The following NAV2 variants were observed in gnomAD, a reference collection of about 807,000 sequenced individuals.
NAV2 encodes the protein neuron navigator 2, also known as helicase, APC down-regulated 1.
In NAV2, 54 loss-of-function variants were observed where a neutral mutation model predicts 223.2. The observed-to-expected ratio is 0.24, with a 90% CI of 0.19 to 0.30. NAV2 has a LOEUF of 0.30. Ranked by LOEUF, NAV2 falls within the 10% of genes least tolerant of loss-of-function variation. NAV2 has a pLI of 1.00. For synonymous variants in NAV2, 1,279 were observed against 1,239.3 expected (o/e 1.03, Z -0.67); for missense variants, 2,806 against 3,147.5 (o/e 0.89, Z 2.60).
intron 1 of NAV2, among the ~76,000 whole-genome samples, chr11:19,533,820 C>T (rs2044103374): frequency 7.1e-6 from 1 of 140,186 alleles, no homozygotes; most frequent in Admixed American, 6.7e-5. Context: ...CATTCTCCTG[C>T]CTCAGCCTCC....
chr11:19,901,003 T>G (rs981778871), intron 6 of NAV2, among the ~76,000 whole-genome samples: 1 of 152,204 alleles, frequency 6.6e-6, no homozygotes, highest in Non-Finnish European at 1.5e-5. Context: ...TGTGAAGCAT[T>G]CTTTCTCATT....
intron 24 of NAV2, among the ~76,000 whole-genome samples, chr11:20,078,854 G>A (rs1224543480): frequency 6.6e-6 from 1 of 152,196 alleles, no homozygotes; most frequent in East Asian, 1.9e-4. Flanking sequence ...AATATTAACA[G>A]TAATAGTAAT....
At chr11:19,643,411 G>T (rs1173038569) in intron 1 of NAV2, among the ~76,000 whole-genome samples, 1 of 148,922 alleles carries the variant, frequency 6.7e-6, no homozygotes, top group South Asian at 2.1e-4. Context: ...GAGAACATGC[G>T]GTGTTTGGTT....
intron 5 of NAV2, among the ~76,000 whole-genome samples, chr11:19,888,140 A>C (rs1278649993): frequency 6.6e-6 from 1 of 152,080 alleles, no homozygotes; most frequent in East Asian, 1.9e-4. Context: ...CCTTAAGCTT[A>C]ATATTTTAAA....
intron 12 of NAV2, among the ~76,000 whole-genome samples, chr11:20,043,218 C>A (rs547153499): frequency 2.6e-5 from 4 of 152,036 alleles, no homozygotes; most frequent in Non-Finnish European, 5.9e-5. Context: ...GATCTCTCTG[C>A]GGTGCAGTGA....
chr11:19,930,990 G>A (rs1393385039), intron 6 of NAV2, among the ~76,000 whole-genome samples: 2 of 152,222 alleles, frequency 1.3e-5, no homozygotes, highest in Non-Finnish European at 2.9e-5. Flanking sequence ...CTTCATCGAA[G>A]GAGGTAGCTA....
intron 1 of NAV2, among the ~76,000 whole-genome samples, chr11:19,791,158 G>A (rs1033799378): frequency 2.6e-5 from 4 of 152,016 alleles, no homozygotes; most frequent in Admixed American, 1.3e-4. Context: ...AACCATTCTC[G>A]GCCAGGAACT....
chr11:19,588,566 TC>T (rs954485368), intron 1 of NAV2, among the ~76,000 whole-genome samples: 19 of 152,176 alleles, frequency 1.2e-4, no homozygotes, highest in African/African-American at 4.6e-4. Flanking sequence ...AAGTCTAAGA[TC>T]CTCATATTTA....
intron 10 of NAV2, among the ~76,000 whole-genome samples, chr11:19,951,307 A>T (rs2047379296): frequency 6.6e-6 from 1 of 152,160 alleles, no homozygotes; most frequent in East Asian, 1.9e-4. Flanking sequence ...ACAGTACAAC[A>T]AATTTCTGCT....
chr11:20,105,934 C>G (rs567116356), intron 35 of NAV2, among the ~76,000 whole-genome samples: 2 of 139,852 alleles, frequency 1.4e-5, no homozygotes, highest in East Asian at 4.3e-4. Flanking sequence ...CAGCCTGGCC[C>G]AATGTAGAAA....
At chr11:19,809,507 C>A (rs2058747024) in intron 1 of NAV2, among the ~76,000 whole-genome samples, 1 of 152,114 alleles carries the variant, frequency 6.6e-6, no homozygotes, top group South Asian at 2.1e-4. Flanking sequence ...TATACCCCAC[C>A]CATTATTAAC....
chr11:19,668,078 C>T (rs1001002316), intron 1 of NAV2, among the ~76,000 whole-genome samples: 8 of 152,096 alleles, frequency 5.3e-5, no homozygotes, highest in East Asian at 1.9e-4. Context: ...GTCAAGAGGA[C>T]GACACTGGCA....
intron 1 of NAV2, among the ~76,000 whole-genome samples, chr11:19,688,471 T>A (rs1331620040): frequency 6.6e-6 from 1 of 152,206 alleles, no homozygotes; most frequent in East Asian, 1.9e-4. Flanking sequence ...GCAGCAAGCA[T>A]CTTTCCGGGC....
At chr11:19,375,997 A>G (rs1488193088) in intron 1 of NAV2, among the ~76,000 whole-genome samples, 1 of 152,252 alleles carries the variant, frequency 6.6e-6, no homozygotes, top group East Asian at 1.9e-4. Context: ...TGTTGCTAAA[A>G]TAAATGCTCA....
At chr11:19,396,808 A>C (rs11025117) in intron 1 of NAV2, among the ~76,000 whole-genome samples, 55,129 of 152,070 alleles carry the variant, frequency 0.36, 10,473 homozygotes, top group Admixed American at 0.49. Context: ...TCCCACAGAG[A>C]TCTCTAGTAA....
chr11:19,873,670 G>A (rs985934975), intron 4 of NAV2, among the ~76,000 whole-genome samples: 5 of 152,056 alleles, frequency 3.3e-5, no homozygotes, highest in South Asian at 2.1e-4. Flanking sequence ...GGACCCGTAC[G>A]GTGAAAGCAG....
chr11:20,088,908 T>C (rs2060633045), intron 26 of NAV2, among the ~76,000 whole-genome samples: 1 of 151,992 alleles, frequency 6.6e-6, no homozygotes, highest in Non-Finnish European at 1.5e-5. Context: ...CACAGTGAAA[T>C]TTTGTTCAGA....
rs201789875 is a variant in NAV2 at position 19,933,834 on chromosome 11, C to G, written c.1590C>G (p.Pro530=). ...AAGACCCCAGTGGAGCAGCTGTGCCCGAGATGCCAAAAAAGTCCTCCAAGA... is the reference window on the plus strand; with the variant it reads ...AAGACCCCAGTGGAGCAGCTGTGCCGGAGATGCCAAAAAAGTCCTCCAAGA... ...PKEDPSGAAV[P]EMPKKSSKIA... is the part of the protein sequence containing the mutation. Residue 530 remains proline (P), a synonymous_variant, in exon 7 of 38, where the codon CCC becomes CCG. Coordinates refer to ENST00000349880, the MANE Select transcript of NAV2 (RefSeq NM_145117.5). The surrounding 1 kb of genome is among the most constrained non-coding windows in gnomAD (Gnocchi z 4.3). The G allele has an allele frequency of 9.3e-5, 150 of 1,609,326 alleles. No homozygotes were observed. In the East Asian group the frequency reaches 3.3e-3, roughly 35 times the overall value.
chr11:19,953,859 G>A (rs1033489084), intron 10 of NAV2, among the ~76,000 whole-genome samples: 6 of 87,060 alleles, frequency 6.9e-5, no homozygotes, highest in African/African-American at 2.6e-4. Context: ...ACGCGCGCGC[G>A]TGTGTGTGTG....
Sources: gnomAD v4.1 joint callset for allele counts (sites outside exome capture counted in the v4.1 genomes callset) on GRCh38, gnomAD v4.1.1 for gene constraint, Gnocchi (gnomAD v3.1) non-coding constraint, MANE v1.5 for transcripts, NCBI Gene and HGNC (gene_info 2026-07-23, HGNC 2026-07-21) for gene names.